FAAH2: variants seen among roughly 807,000 people sequenced by gnomAD.
FAAH2 encodes the protein fatty acid amide hydrolase 2.
Under a neutral mutation model 36.9 loss-of-function variants are expected in FAAH2, and 60 were observed. That is an observed-to-expected ratio of 1.63 (90% CI 1.32 to 2.02). The LOEUF (loss-of-function observed/expected upper bound fraction) is 2.02. Ranked by LOEUF, FAAH2 falls within the 30% of genes most tolerant of loss-of-function variation. FAAH2 has a pLI of 0.00. For synonymous variants in FAAH2, 214 were observed against 143.8 expected, an observed-to-expected ratio of 1.49 and a Z score of -3.49; for missense variants, 689 against 397.5, an observed-to-expected ratio of 1.73 and a Z score of -6.23.
intron 7 of FAAH2, among the ~76,000 whole-genome samples, chrX:57,420,697 T>C (rs1159213975): frequency 1.8e-5 from 2 of 108,138 alleles, no homozygotes; most frequent in African/African-American, 6.7e-5. Flanking sequence ...CTTTTCCTAA[T>C]TGAATACCCT....
intron 5 of FAAH2, among the ~76,000 whole-genome samples, chrX:57,371,641 G>T (rs1384253138): frequency 9.7e-6 from 1 of 103,332 alleles, no homozygotes; most frequent in African/African-American, 3.4e-5. Flanking sequence ...ATTTTTTGGG[G>T]GGGGGGTTAC....
chrX:57,272,900 T>G, the FAAH2 span, among the ~76,000 whole-genome samples: 2 of 111,857 alleles, frequency 1.8e-5, no homozygotes, highest in African/African-American at 6.5e-5. Context: ...AGAATCAAAT[T>G]CACACATTAC....
chrX:57,157,539 A>T, the FAAH2 span, among the ~76,000 whole-genome samples: 1 of 110,694 alleles, frequency 9.0e-6, no homozygotes, highest in Non-Finnish European at 1.9e-5. Flanking sequence ...CACTGACTGC[A>T]CTCTTTCTCT....
intron 5 of FAAH2, among the ~76,000 whole-genome samples, chrX:57,343,942 G>T (rs1204429802): frequency 9.0e-6 from 1 of 110,643 alleles, no homozygotes; most frequent in Non-Finnish European, 1.9e-5. Context: ...TTATTTCTGG[G>T]ATCTCCATTC....
intron 5 of FAAH2, among the ~76,000 whole-genome samples, chrX:57,342,340 G>C (rs998302344): frequency 2.7e-5 from 3 of 111,409 alleles, no homozygotes; most frequent in African/African-American, 9.8e-5. Context: ...AGCACATAGA[G>C]GGGAACAACA....
chrX:57,137,243 G>T, the FAAH2 span: 1 of 761,094 alleles, frequency 1.3e-6, no homozygotes, highest in Non-Finnish European at 1.6e-6. Context: ...CGGGCCTCAC[G>T]TGCCGAAATC....
chrX:57,253,919 A>G, the FAAH2 span, among the ~76,000 whole-genome samples: 1 of 112,007 alleles, frequency 8.9e-6, no homozygotes, highest in South Asian at 3.7e-4. Flanking sequence ...ATTCACACAT[A>G]ACAATATTAA....
At chrX:57,241,977 C>T in the FAAH2 span, among the ~76,000 whole-genome samples, 1 of 111,695 alleles carries the variant, frequency 9.0e-6, no homozygotes, top group Non-Finnish European at 1.9e-5. Context: ...CTCCCTGGGA[C>T]AGAACACCTG....
At chrX:57,240,105 G>T in the FAAH2 span, among the ~76,000 whole-genome samples, 2 of 112,034 alleles carry the variant, frequency 1.8e-5, no homozygotes, top group Non-Finnish European at 3.8e-5. Context: ...AGACATTCTG[G>T]CTTTTAGAGT....
At chrX:57,352,020 G>GTGTATATATATA (rs200784566) in intron 5 of FAAH2, among the ~76,000 whole-genome samples, 1 of 7,769 alleles carries the variant, frequency 1.3e-4, no homozygotes, top group Non-Finnish European at 1.9e-3. Flanking sequence ...ATGTGTGTGT[G>GTGTATATATATA]TATATATATA....
intron 5 of FAAH2, among the ~76,000 whole-genome samples, chrX:57,375,935 C>T (rs2054664152): frequency 1.8e-5 from 2 of 111,444 alleles, no homozygotes; most frequent in African/African-American, 6.5e-5. Context: ...TTGAAAGTTA[C>T]TATTTTTCTA....
chrX:57,436,700 AG>A (rs2056418795), intron 8 of FAAH2, among the ~76,000 whole-genome samples: 1 of 111,472 alleles, frequency 9.0e-6, no homozygotes, highest in Non-Finnish European at 1.9e-5. Flanking sequence ...TTGAATCAGG[AG>A]GTAATAGAGA....
At chrX:57,239,325 G>A in the FAAH2 span, among the ~76,000 whole-genome samples, 23 of 110,809 alleles carry the variant, frequency 2.1e-4, no homozygotes, top group African/African-American at 4.9e-4. Flanking sequence ...TAGTTTGGCC[G>A]GATATAAAAT....
the FAAH2 span, among the ~76,000 whole-genome samples, chrX:57,163,605 G>T: frequency 2.7e-5 from 3 of 112,192 alleles, no homozygotes; most frequent in Middle Eastern, 4.6e-3. Context: ...CAGTATTCAG[G>T]TGGGAGTGAC....
intron 7 of FAAH2, among the ~76,000 whole-genome samples, chrX:57,421,507 G>A (rs2056026155): frequency 9.0e-6 from 1 of 111,528 alleles, no homozygotes; most frequent in Non-Finnish European, 1.9e-5. Context: ...TCAGGTTTTG[G>A]TGAAGGCTCT....
chrX:57,440,680 A>C (rs892464101), intron 8 of FAAH2, among the ~76,000 whole-genome samples: 5 of 111,726 alleles, frequency 4.5e-5, no homozygotes, highest in South Asian at 3.7e-4. Context: ...GTCTTGTGCC[A>C]GTTTTCAAAG....
chrX:57,303,766 G>T (rs1448477376), intron 2 of FAAH2, among the ~76,000 whole-genome samples: 1 of 111,624 alleles, frequency 9.0e-6, no homozygotes, highest in Non-Finnish European at 1.9e-5. Flanking sequence ...ATTTTGCCGT[G>T]CCTAATTCGC....
intron 3 of FAAH2, among the ~76,000 whole-genome samples, chrX:57,327,791 T>C (rs1005454516): frequency 9.0e-6 from 1 of 111,669 alleles, no homozygotes; most frequent in African/African-American, 3.3e-5. Flanking sequence ...TCAAACTTCC[T>C]CCTTTAGCTT....
chrX:57,450,681 C>T (rs746875969), intron 10 of FAAH2, among the ~76,000 whole-genome samples: 2 of 110,961 alleles, frequency 1.8e-5, no homozygotes, highest in African/African-American at 6.5e-5. Flanking sequence ...TTATGTTTGT[C>T]TCCTACTTAC....
Sources: gnomAD v4.1 joint callset for allele counts (sites outside exome capture counted in the v4.1 genomes callset) on GRCh38, gnomAD v4.1.1 for gene constraint, MANE v1.5 for transcripts, NCBI Gene and HGNC (gene_info 2026-07-23, HGNC 2026-07-21) for gene names.